Variants in APBB2 observed in about 807,000 individuals in gnomAD.
APBB2 encodes the protein amyloid beta precursor protein binding family B member 2, also known as Fe65-like 1.
Under a neutral mutation model 82.5 loss-of-function variants are expected in APBB2, and 38 were observed. The observed-to-expected ratio is 0.46, with a 90% CI of 0.36 to 0.60. The LOEUF is 0.60. APBB2 is among the 20% of genes least tolerant of loss of function. The pLI is 0.00. For missense variants in APBB2, 772 were observed against 972.3 expected (o/e 0.79, Z 2.74); for synonymous variants, 341 against 368.2 (o/e 0.93, Z 0.85).
At chr4:41,204,803 AT>A (rs1212553290) in intron 1 of APBB2, among the ~76,000 whole-genome samples, 1 of 152,188 alleles carries the variant, frequency 6.6e-6, no homozygotes, top group African/African-American at 2.4e-5. Flanking sequence ...CAGGGGAGAG[AT>A]GACTGTGTCA....
chr4:41,164,104 T>G (rs1765869471), intron 1 of APBB2, among the ~76,000 whole-genome samples: 1 of 152,192 alleles, frequency 6.6e-6, no homozygotes, highest in African/African-American at 2.4e-5. Context: ...GGAGCCCAAG[T>G]CTAAACATGA....
At chr4:41,205,341 G>A (rs1026252517) in intron 1 of APBB2, among the ~76,000 whole-genome samples, 6 of 152,114 alleles carry the variant, frequency 3.9e-5, no homozygotes, top group Non-Finnish European at 8.8e-5. Flanking sequence ...ACAGAGAAGG[G>A]AGCTATGGCA....
At chr4:40,837,048 C>T (rs1754185459) in intron 12 of APBB2, among the ~76,000 whole-genome samples, 1 of 152,184 alleles carries the variant, frequency 6.6e-6, no homozygotes. Context: ...CAGGGTAGGT[C>T]CTTGATTTTC....
At chr4:41,014,779 G>T (rs1384299677) in intron 5 of APBB2, among the ~76,000 whole-genome samples, 1 of 151,988 alleles carries the variant, frequency 6.6e-6, no homozygotes, top group East Asian at 1.9e-4. Context: ...TTTATTCTTT[G>T]GTTCCTTCAG....
chr4:40,919,084 GAT>G (rs1297004580), intron 10 of APBB2, among the ~76,000 whole-genome samples: 1 of 152,186 alleles, frequency 6.6e-6, no homozygotes, highest in East Asian at 1.9e-4. Context: ...AGGCTGGTAA[GAT>G]AAACTCAAGA....
In APBB2 at chr4:40,816,253, A is replaced by G. The variant is rs1325988149; in HGVS notation, c.2119T>C (p.Tyr707His). The change falls in exon 18 of 18, where the codon TAT becomes CAT. Residue 707 changes from tyrosine (Y) to histidine (H), a missense_variant. Coordinates refer to ENST00000508593, the MANE Select transcript of APBB2 (RefSeq NM_004307.2). ...EAVQAACMLR[Y>H]QKCLVARPPS... ...GGCCTGGCTACCAAGCACTTCTGATATCGTAACTGAAATAAAACAAAACGT... is the reference window on the plus strand; with the variant it reads ...GGCCTGGCTACCAAGCACTTCTGATGTCGTAACTGAAATAAAACAAAACGT... 2 of 1,614,142 alleles carry G rather than the reference A, an allele frequency of 1.2e-6. No homozygotes were observed. Among genetic ancestry groups the G allele is most frequent in the Non-Finnish European group, 1.7e-6 (2 of 1,179,988 alleles).
intron 12 of APBB2, among the ~76,000 whole-genome samples, chr4:40,858,862 TA>T (rs1385195658): frequency 1.3e-5 from 2 of 152,244 alleles, no homozygotes; most frequent in African/African-American, 4.8e-5. Context: ...TTATTGACAG[TA>T]AACTGCTTTG....
rs1744402758 is a variant in APBB2, at chr4:40,811,520, C to CCATCCTAGGCGA, written c.*4571_*4572insTCGCCTAGGATG. 1 of 149,626 alleles carries CCATCCTAGGCGA rather than the reference C, an allele frequency of 6.7e-6. No individual in the cohort carries two copies. The highest frequency in any genetic ancestry group is 1.5e-5 in the Non-Finnish European group (1 of 67,500). 9.3% of individuals were successfully genotyped at this position (149,626 alleles called of 1,614,324 possible). On this transcript the variant is annotated 3_prime_UTR_variant, in exon 18 of 18. Transcript: ENST00000508593. The stretch of plus-strand genomic sequence containing the variant: ...TGAGCTGAAATTACACCACTGCACT[C>CCATCCTAGGCGA]CAGAGTAAGACTCCTCTGTCTGAAG...
intron 1 of APBB2, among the ~76,000 whole-genome samples, chr4:41,151,121 G>A (rs1370560574): frequency 6.6e-6 from 1 of 152,068 alleles, no homozygotes; most frequent in Non-Finnish European, 1.5e-5. Context: ...TTTTCATACA[G>A]GTAATCTTGA....
chr4:41,154,389 T>C (rs1182931021), intron 1 of APBB2, among the ~76,000 whole-genome samples: 1 of 152,216 alleles, frequency 6.6e-6, no homozygotes, highest in Non-Finnish European at 1.5e-5. Context: ...TGGTCGTCCT[T>C]GCCTTAAGGA....
intron 5 of APBB2, among the ~76,000 whole-genome samples, chr4:41,022,521 A>ATG (rs1385470022): frequency 6.6e-6 from 1 of 152,158 alleles, no homozygotes; most frequent in African/African-American, 2.4e-5. Context: ...TTCAGAAAAG[A>ATG]TGTCACCGCT....
chr4:41,067,407 G>T (rs1036276158), intron 3 of APBB2, among the ~76,000 whole-genome samples: 1 of 146,810 alleles, frequency 6.8e-6, no homozygotes, highest in African/African-American at 2.5e-5. Flanking sequence ...GTGAAACTCC[G>T]TCTCAAAAAA....
intron 12 of APBB2, among the ~76,000 whole-genome samples, chr4:40,864,209 G>A (rs1469256903): frequency 6.6e-6 from 1 of 152,004 alleles, no homozygotes; most frequent in African/African-American, 2.4e-5. Context: ...AGCTGAGATT[G>A]TGCCACTGCA....
Position 40,928,186 on chromosome 4 carries a change from T to C in APBB2, c.1254+6270A>G, listed in dbSNP as rs550140005. Among the ~76,000 whole-genome samples the C allele has an allele frequency of 3.3e-5, 5 of 152,240 alleles. 1 individual carries two copies. The South Asian group carries it at 1.0e-3, about 32-fold the overall frequency. On this transcript the variant is annotated intron_variant, in intron 10 of 17. Transcript: ENST00000508593. ...TTTTAAAACATTTTCCATGGAAAAG[T>C]GGCGTAAAATAGAAAAAGAACTGAC...
intron 2 of APBB2, among the ~76,000 whole-genome samples, chr4:41,136,643 G>T (rs754230565): frequency 6.6e-5 from 10 of 152,114 alleles, no homozygotes; most frequent in African/African-American, 2.4e-4. Flanking sequence ...GAACCAGGAC[G>T]CATGGCTTGA....
intron 10 of APBB2, among the ~76,000 whole-genome samples, chr4:40,907,375 A>ATTTT (rs1316757649): frequency 8.6e-4 from 28 of 32,500 alleles, no homozygotes; most frequent in African/African-American, 4.2e-3. Context: ...ATATATATAT[A>ATTTT]TATATTTTTT....
chr4:40,838,991 T>A (rs1380541020), intron 12 of APBB2, among the ~76,000 whole-genome samples: 4 of 152,062 alleles, frequency 2.6e-5, no homozygotes, highest in Non-Finnish European at 4.4e-5. Context: ...GGACATCTCG[T>A]TTCTTTAATA....
intron 5 of APBB2, among the ~76,000 whole-genome samples, chr4:41,022,431 C>T (rs1711995567): frequency 6.6e-6 from 1 of 152,212 alleles, no homozygotes; most frequent in Non-Finnish European, 1.5e-5. Context: ...GCTCTGATCG[C>T]ATACATCATC....
At chr4:41,193,240 T>C (rs1008695069) in intron 1 of APBB2, among the ~76,000 whole-genome samples, 2 of 152,134 alleles carry the variant, frequency 1.3e-5, no homozygotes, top group Non-Finnish European at 2.9e-5. Context: ...AACTTAACAG[T>C]AAAATAGGGA....
Sources: gnomAD v4.1 joint callset for allele counts (sites outside exome capture counted in the v4.1 genomes callset) on GRCh38, gnomAD v4.1.1 for gene constraint, MANE v1.5 for transcripts, NCBI Gene and HGNC (gene_info 2026-07-23, HGNC 2026-07-21) for gene names.